Variants in ANO2 observed in about 807,000 individuals in gnomAD.
ANO2 encodes the protein anoctamin 2.
A neutral mutation model predicts 124.2 loss-of-function variants in ANO2; 101 were observed. The ratio of observed to expected loss-of-function variants is 0.81; its 90% confidence interval spans 0.69 to 0.96. ANO2 has a LOEUF of 0.96. Among genes scored for constraint, ANO2 ranks in the 40% least tolerant of loss-of-function variants. ANO2 has a pLI of 0.00. For missense variants in ANO2, 1,293 were observed against 1,274.5 expected, an observed-to-expected ratio of 1.01 and a Z score of -0.22; for synonymous variants, 486 against 482.5, an observed-to-expected ratio of 1.01 and a Z score of -0.09.
rs4930778 is a variant in ANO2, at chr12:5,658,602, T to C, written c.1546-10801A>G. Among the ~76,000 whole-genome samples, 2 of 151,388 alleles carry C rather than the reference T, an allele frequency of 1.3e-5. No homozygotes were observed. Among genetic ancestry groups the C allele is most frequent in the Non-Finnish European group, 2.9e-5 (2 of 67,840 alleles). On this transcript the variant is annotated intron_variant, in intron 14 of 24. Transcript: ENST00000682330. This position sits in a 1 kb window ranked among gnomAD's most constrained non-coding sequence, Gnocchi z 4.3. ...TCATCAATATCATCATCATCATCAT[T>C]ATCATCATTAAATCATCATCAACAT...
intron 14 of ANO2, among the ~76,000 whole-genome samples, chr12:5,701,406 T>C (rs985122488): frequency 2.6e-5 from 4 of 152,200 alleles, no homozygotes; most frequent in Non-Finnish European, 5.9e-5. Flanking sequence ...TTTACCCCAT[T>C]TTATCCATTT....
At chr12:5,691,504 A>C (rs1565573458) in intron 14 of ANO2, among the ~76,000 whole-genome samples, 3 of 152,112 alleles carry the variant, frequency 2.0e-5, no homozygotes. Context: ...CAGAGTGAGG[A>C]GCAGGTAGCC....
chr12:5,793,945 G>C (rs547475158), intron 10 of ANO2, among the ~76,000 whole-genome samples: 3 of 152,198 alleles, frequency 2.0e-5, no homozygotes, highest in African/African-American at 7.2e-5. Context: ...AGAGAAAGGA[G>C]ACTGGGGCAG....
chr12:5,694,449 A>C (rs1477737700), intron 14 of ANO2, among the ~76,000 whole-genome samples: 1 of 152,104 alleles, frequency 6.6e-6, no homozygotes, highest in Non-Finnish European at 1.5e-5. Context: ...AGGCCTCCTA[A>C]GACCCACGCT....
At position 5,739,324 on chromosome 12, in the gene ANO2, T is replaced by A; in HGVS notation, c.1427A>T (p.Glu476Val). ...GYFWDLTGIE[E>V]EEEHSRPEYE... ...ATACGTGAGAGAACTCACTTCTTCC[T>A]CTTCTATGCCAGTCAGGTCCCAAAA... is the stretch of plus-strand genomic sequence containing the variant. The change falls in exon 13 of 25, where the codon GAG becomes GTG. Residue 476 changes from glutamate (E) to valine (V), a missense_variant. Transcript: ENST00000682330. 6.2e-7 allele frequency: 1 copy of A among 1,601,974 alleles called. No individual in the cohort carries two copies. The highest frequency in any genetic ancestry group is 1.1e-5 in the South Asian group (1 of 88,092).
chr12:5,771,258 G>T (rs1357103880), intron 10 of ANO2, among the ~76,000 whole-genome samples: 1 of 152,180 alleles, frequency 6.6e-6, no homozygotes, highest in Non-Finnish European at 1.5e-5. Flanking sequence ...TTCTGTGCAT[G>T]AGGCAAGCAC....
At chr12:5,665,562 G>A (rs1342065105) in intron 14 of ANO2, among the ~76,000 whole-genome samples, 1 of 152,144 alleles carries the variant, frequency 6.6e-6, no homozygotes, top group African/African-American at 2.4e-5. Flanking sequence ...GATTTTATTT[G>A]TTGCCCCAGA....
intron 20 of ANO2, among the ~76,000 whole-genome samples, 170 bp from the exon 21 acceptor site, chr12:5,578,688 G>A (rs1173102476): frequency 6.6e-6 from 1 of 152,132 alleles, no homozygotes. Flanking sequence ...TTCTTTCTAA[G>A]TACCTGCAGG....
chr12:5,757,382 C>A (rs1168549664), intron 10 of ANO2, among the ~76,000 whole-genome samples: 1 of 152,144 alleles, frequency 6.6e-6, no homozygotes, highest in Non-Finnish European at 1.5e-5. Flanking sequence ...TTGTAAATTA[C>A]CAGTTAAGCC....
intron 24 of ANO2, chr12:5,564,569 C>T (rs1941634435): frequency 6.6e-6 from 1 of 152,372 alleles, no homozygotes; most frequent in Non-Finnish European, 1.5e-5. Context: ...TGGGGACCAA[C>T]TGCTGCTTCC....
chr12:5,728,008 A>G (rs577781708), intron 14 of ANO2, among the ~76,000 whole-genome samples: 108 of 152,160 alleles, frequency 7.1e-4, no homozygotes, highest in Admixed American at 2.8e-3. Flanking sequence ...GGGTTTCACC[A>G]TGTTAGCCAG....
intron 3 of ANO2, among the ~76,000 whole-genome samples, chr12:5,920,717 A>AT (rs1941649109): frequency 6.6e-6 from 1 of 152,016 alleles, no homozygotes; most frequent in African/African-American, 2.4e-5. Context: ...AATACAAAAA[A>AT]TTAGCTGGGT....
At chr12:5,843,384 T>C (rs910989824) in intron 4 of ANO2, among the ~76,000 whole-genome samples, 2 of 151,952 alleles carry the variant, frequency 1.3e-5, no homozygotes, top group South Asian at 2.1e-4. Flanking sequence ...ACCCTGTCTC[T>C]AGTAAAAATA....
At chr12:5,657,711 C>A (rs943005964) in intron 14 of ANO2, among the ~76,000 whole-genome samples, 1 of 152,116 alleles carries the variant, frequency 6.6e-6, no homozygotes, top group Non-Finnish European at 1.5e-5. Context: ...TTTTTATGAG[C>A]CAGCCCACTG....
At chr12:5,879,617 AAAG>A (rs1342567636) in intron 3 of ANO2, among the ~76,000 whole-genome samples, 2 of 152,258 alleles carry the variant, frequency 1.3e-5, no homozygotes, top group African/African-American at 4.8e-5. Flanking sequence ...CTAAGGGGTC[AAAG>A]AAGACTTCAT....
intron 14 of ANO2, among the ~76,000 whole-genome samples, chr12:5,648,100 T>C (rs948570374): frequency 1.3e-5 from 2 of 152,214 alleles, no homozygotes; most frequent in Admixed American, 1.3e-4. Flanking sequence ...ATGTCTCTTA[T>C]TAACATTTCT....
rs12303736 is a variant in ANO2, at chr12:5,925,888, C to T, written c.23-3084G>A. 0.046 allele frequency among the ~76,000 whole-genome samples: 7,003 copies of T among 152,276 alleles called. 561 individuals carry two copies. Among genetic ancestry groups the T allele is most frequent in the African/African-American group, 0.16 (6,460 of 41,516 alleles). On this transcript the variant is annotated intron_variant, in intron 1 of 24. Transcript: ENST00000682330. The surrounding 1 kb of genome is among the most constrained non-coding windows in gnomAD (Gnocchi z 4.6). Reference sequence around the variant, plus strand: ...CACGTTCCAGCTCTCTCCCTGGGCACTCTCATCCACTCCAGAGACCTTCAT... The same window carrying T: ...CACGTTCCAGCTCTCTCCCTGGGCATTCTCATCCACTCCAGAGACCTTCAT...
chr12:5,923,257 T>A (rs77951756), intron 1 of ANO2, among the ~76,000 whole-genome samples: 2 of 74,276 alleles, frequency 2.7e-5, no homozygotes, highest in Non-Finnish European at 6.4e-5. Flanking sequence ...TACACACACA[T>A]ACACACACAC....
chr12:5,794,148 G>A (rs1952779145), intron 10 of ANO2, among the ~76,000 whole-genome samples: 2 of 152,184 alleles, frequency 1.3e-5, no homozygotes, highest in South Asian at 4.2e-4. Context: ...GGCCTATGAG[G>A]TATTATTTCC....
Sources: gnomAD v4.1 joint callset for allele counts (sites outside exome capture counted in the v4.1 genomes callset) on GRCh38, gnomAD v4.1.1 for gene constraint, Gnocchi (gnomAD v3.1) non-coding constraint, MANE v1.5 for transcripts, NCBI Gene and HGNC (gene_info 2026-07-23, HGNC 2026-07-21) for gene names.